CNTNAP2: variants seen among roughly 807,000 people sequenced by gnomAD.
CNTNAP2 encodes contactin-associated protein-like 2.
A neutral mutation model predicts 155.2 loss-of-function variants in CNTNAP2; 98 were observed. The observed-to-expected ratio is 0.63, with a 90% CI of 0.54 to 0.75. The LOEUF (loss-of-function observed/expected upper bound fraction) is 0.75. Ranked by LOEUF, CNTNAP2 falls within the 30% of genes least tolerant of loss-of-function variation. CNTNAP2 has a pLI of 0.00. For synonymous variants in CNTNAP2, 651 were observed against 631.2 expected (o/e 1.03, Z -0.47); for missense variants, 1,727 against 1,688.1 (o/e 1.02, Z -0.40).
intron 15 of CNTNAP2, among the ~76,000 whole-genome samples, chr7:147,983,461 A>C (rs1295060839): frequency 3.5e-5 from 2 of 56,432 alleles, no homozygotes; most frequent in African/African-American, 8.8e-5. Context: ...AAAAATAAAT[A>C]AATAAAAAAG....
intron 1 of CNTNAP2, among the ~76,000 whole-genome samples, chr7:146,612,374 A>G (rs1430432317): frequency 6.6e-6 from 1 of 152,202 alleles, no homozygotes; most frequent in Non-Finnish European, 1.5e-5. Context: ...CCTTTCTTTA[A>G]AAAGCTAGCA....
At chr7:148,057,401 G>A (rs1285689802) in intron 15 of CNTNAP2, among the ~76,000 whole-genome samples, 1 of 152,120 alleles carries the variant, frequency 6.6e-6, no homozygotes, top group Non-Finnish European at 1.5e-5. Flanking sequence ...AGCATTTCTG[G>A]TGTCGAAAGG....
rs1801030865 is a variant in CNTNAP2 at position 146,709,738 on chromosome 7, AG to A, written c.98-64530del. Among the ~76,000 whole-genome samples, 3 of 152,116 alleles carry A rather than the reference AG, an allele frequency of 2.0e-5. No homozygotes were observed. The South Asian group carries it at 6.2e-4, about 32-fold the overall frequency. ...GGTGGTAAAATACAGCAGGCTGAGG[AG>A]GGCCAGACTGGAGTTGAGATTTTCT... On this transcript the variant is annotated intron_variant, in intron 1 of 23. Coordinates refer to ENST00000361727, the MANE Select transcript of CNTNAP2 (RefSeq NM_014141.6).
At chr7:147,417,089 CAAAAA>C (rs3050513) in intron 10 of CNTNAP2, among the ~76,000 whole-genome samples, 1 of 126,324 alleles carries the variant, frequency 7.9e-6, no homozygotes. Flanking sequence ...ACTCTGGTCT[CAAAAA>C]AAAAAAAAAA....
chr7:147,280,575 G>A (rs1454757427), intron 8 of CNTNAP2, among the ~76,000 whole-genome samples: 3 of 151,800 alleles, frequency 2.0e-5, no homozygotes, highest in African/African-American at 7.3e-5. Flanking sequence ...GCCACACAAA[G>A]TTTAACTCAA....
intron 12 of CNTNAP2, among the ~76,000 whole-genome samples, chr7:147,574,942 T>A (rs563912475): frequency 6.6e-6 from 1 of 152,252 alleles, no homozygotes; most frequent in Non-Finnish European, 1.5e-5. Context: ...AATTACTGAA[T>A]CTTTTATGGA....
intron 8 of CNTNAP2, among the ~76,000 whole-genome samples, chr7:147,225,861 A>G (rs1803521787): frequency 7.1e-6 from 1 of 141,542 alleles, no homozygotes; most frequent in Non-Finnish European, 1.5e-5. Context: ...GAAGGAGGGA[A>G]AGAAGGAAGG....
In CNTNAP2 at chr7:146,625,211, G is replaced by C. The variant is rs184775507; in HGVS notation, c.98-149060G>C. Among the ~76,000 whole-genome samples, 575 of 152,014 alleles carry C rather than the reference G, an allele frequency of 3.8e-3. 2 individuals carry two copies. The highest frequency in any genetic ancestry group is 0.013 in the African/African-American group (560 of 41,502). ...GAGAGGAAAGGAGACTCAGGGAGCA[G>C]CACATTATTAATTAGAAGATGGGGG... is the stretch of plus-strand genomic sequence containing the variant. On this transcript the variant is annotated intron_variant, in intron 1 of 23. Transcript: ENST00000361727.
At chr7:147,488,510 T>C (rs1798549437) in intron 11 of CNTNAP2, among the ~76,000 whole-genome samples, 1 of 151,944 alleles carries the variant, frequency 6.6e-6, no homozygotes, top group Non-Finnish European at 1.5e-5. Flanking sequence ...CAAGCATTCA[T>C]CTTGAAAAGA....
intron 13 of CNTNAP2, among the ~76,000 whole-genome samples, chr7:147,826,298 C>T (rs1251862737): frequency 1.3e-5 from 2 of 152,060 alleles, no homozygotes; most frequent in Non-Finnish European, 2.9e-5. Context: ...AAATCTAGTT[C>T]AATGAATACT....
chr7:146,917,305 T>C (rs1462259932), intron 3 of CNTNAP2, among the ~76,000 whole-genome samples: 1 of 152,218 alleles, frequency 6.6e-6, no homozygotes, highest in East Asian at 1.9e-4. Context: ...TAGAATGTTC[T>C]GTAAATATCT....
chr7:147,344,189 G>A (rs945270347), intron 9 of CNTNAP2, among the ~76,000 whole-genome samples: 3 of 152,200 alleles, frequency 2.0e-5, no homozygotes, highest in East Asian at 3.9e-4. Flanking sequence ...TGCCAGTAGC[G>A]CTGATTTAGA....
At chr7:147,322,789 C>T (rs1424802564) in intron 9 of CNTNAP2, among the ~76,000 whole-genome samples, 1 of 142,636 alleles carries the variant, frequency 7.0e-6, no homozygotes, top group Non-Finnish European at 1.5e-5. Context: ...CAACTTCTTC[C>T]TGGATTAGTC....
chr7:147,055,004 TAAAG>T (rs544495671), intron 4 of CNTNAP2, among the ~76,000 whole-genome samples: 2 of 152,270 alleles, frequency 1.3e-5, no homozygotes, highest in South Asian at 4.2e-4. Flanking sequence ...CAGGAGGAGT[TAAAG>T]AAACTGTCAG....
chr7:147,553,400 C>A (rs1194596156), intron 11 of CNTNAP2, among the ~76,000 whole-genome samples: 4 of 152,110 alleles, frequency 2.6e-5, no homozygotes, highest in Admixed American at 2.6e-4. Context: ...TCCTTGCAAC[C>A]TCCTATTCAT....
At chr7:148,406,972 C>T (rs981590680) in intron 22 of CNTNAP2, among the ~76,000 whole-genome samples, 10 of 122,330 alleles carry the variant, frequency 8.2e-5, no homozygotes, top group African/African-American at 3.3e-4. Context: ...AAGAAGTTCT[C>T]ATTAGCTAAA....
intron 1 of CNTNAP2, among the ~76,000 whole-genome samples, chr7:146,747,262 G>A (rs766164182): frequency 2.0e-5 from 3 of 152,034 alleles, no homozygotes; most frequent in Non-Finnish European, 4.4e-5. Flanking sequence ...AGGGGCACAA[G>A]GCAGACATTT....
intron 3 of CNTNAP2, among the ~76,000 whole-genome samples, chr7:146,855,852 TAC>T (rs1216766767): frequency 5.0e-5 from 5 of 100,102 alleles, no homozygotes; most frequent in East Asian, 6.3e-4. Context: ...TATATATATA[TAC>T]ACACTTACAT....
At chr7:147,911,553 G>A (rs369531901) in intron 14 of CNTNAP2, among the ~76,000 whole-genome samples, 67 of 152,262 alleles carry the variant, frequency 4.4e-4, no homozygotes, top group African/African-American at 1.4e-3. Flanking sequence ...CATAACTCAG[G>A]CCACATAACC....
Sources: gnomAD v4.1 joint callset for allele counts (sites outside exome capture counted in the v4.1 genomes callset) on GRCh38, gnomAD v4.1.1 for gene constraint, MANE v1.5 for transcripts, NCBI Gene and HGNC (gene_info 2026-07-23, HGNC 2026-07-21) for gene names.